Variants in COTL1 observed in about 807,000 individuals in gnomAD.
COTL1 encodes coactosin-like protein.
COTL1 carries 15 observed loss-of-function variants against 16.5 expected under a neutral mutation model. The ratio of observed to expected loss-of-function variants is 0.91; its 90% confidence interval spans 0.61 to 1.40. COTL1 has a LOEUF of 1.40. Ranked by LOEUF, COTL1 falls within the 40% of genes most tolerant of loss-of-function variation. The probability of loss-of-function intolerance (pLI) is 0.00; values close to 1 mark genes in which losing one functional copy is unlikely to be tolerated. For missense variants in COTL1, 220 were observed against 201.5 expected, an observed-to-expected ratio of 1.09 and a Z score of -0.56; for synonymous variants, 112 against 85.3, an observed-to-expected ratio of 1.31 and a Z score of -1.73.
At position 84,565,635 on chromosome 16, in the gene COTL1, G is replaced by C. The variant is rs1904294871; in HGVS notation, c.*1210C>G. On this transcript the variant is annotated 3_prime_UTR_variant, in exon 4 of 4. Transcript: ENST00000262428. ...AAAAAAACATTTATTTCTGTAAACT[G>C]TCTGAGTGCAGAGATGTTCTTTACA... is the stretch of plus-strand genomic sequence containing the variant. The C allele has an allele frequency of 6.6e-6, 1 of 152,198 alleles. No homozygotes were observed. The highest frequency in any genetic ancestry group is 2.4e-5 in the African/African-American group (1 of 41,302). 9.4% of individuals were successfully genotyped at this position (152,198 alleles called of 1,614,324 possible). A position where few individuals can be genotyped will look rare whatever the true frequency, so the allele number is the denominator to read the frequency against.
At chr16:84,597,814 C>G (rs548517103) in intron 2 of COTL1, among the ~76,000 whole-genome samples, 1 of 152,276 alleles carries the variant, frequency 6.6e-6, no homozygotes, top group South Asian at 2.1e-4. Context: ...TTCCTGAGCA[C>G]GCCCATCAAA....
At chr16:84,599,402 G>A (rs1307403364) in intron 2 of COTL1, among the ~76,000 whole-genome samples, 1 of 152,124 alleles carries the variant, frequency 6.6e-6, no homozygotes, top group Non-Finnish European at 1.5e-5. Context: ...AGAATAATGA[G>A]AAACACAAAA....
chr16:84,601,149 T>C (rs1597181669), intron 2 of COTL1, among the ~76,000 whole-genome samples: 1 of 152,186 alleles, frequency 6.6e-6, no homozygotes, highest in African/African-American at 2.4e-5. Flanking sequence ...CACACACTGC[T>C]TTATACTCTT....
intron 2 of COTL1, among the ~76,000 whole-genome samples, chr16:84,596,999 AGGGCCGCATCCTAGCAG>A (rs1326949175): frequency 2.6e-5 from 4 of 152,124 alleles, no homozygotes; most frequent in Non-Finnish European, 5.9e-5. Context: ...CATCCCAGCC[AGGGCCGCATCCTAGCAG>A]GGGCCGCATC....
chr16:84,611,479 T>C (rs1398011363), intron 2 of COTL1, among the ~76,000 whole-genome samples: 4 of 152,210 alleles, frequency 2.6e-5, no homozygotes, highest in East Asian at 1.9e-4. Context: ...TAGAATTACA[T>C]ACAGAAAACT....
At chr16:84,596,460 G>A (rs533837535) in intron 2 of COTL1, 2 of 152,350 alleles carry the variant, frequency 1.3e-5, no homozygotes, top group Admixed American at 1.3e-4. Context: ...TGAAGGGTTG[G>A]CTGATGGGAA....
rs1904990786 is a variant in COTL1, at chr16:84,595,839, AC to A, written c.161-5578del. On this transcript the variant is annotated intron_variant, in intron 2 of 3. Coordinates refer to ENST00000262428, the MANE Select transcript of COTL1 (RefSeq NM_021149.5). ...TGTGTATATACATACATTTGTGAGT[AC>A]AGGTGTATATATGTGTGTATATATA... 7 of 152,216 alleles carry A rather than the reference AC, an allele frequency of 4.6e-5. No individual in the cohort carries two copies. The South Asian group carries it at 1.4e-3, about 32-fold the overall frequency. 9.4% of individuals were successfully genotyped at this position (152,216 alleles called of 1,614,324 possible). A position where few individuals can be genotyped will look rare whatever the true frequency, so the allele number is the denominator to read the frequency against.
At chr16:84,586,540 G>A (rs926104610) in intron 3 of COTL1, among the ~76,000 whole-genome samples, 3 of 152,228 alleles carry the variant, frequency 2.0e-5, no homozygotes, top group Non-Finnish European at 4.4e-5. Context: ...TCTGTTTAAT[G>A]TAGCTGAATT....
chr16:84,574,089 G>A (rs2150680909), intron 3 of COTL1, among the ~76,000 whole-genome samples: 1 of 152,158 alleles, frequency 6.6e-6, no homozygotes, highest in African/African-American at 2.4e-5. Flanking sequence ...GATCACTTGA[G>A]CCTGGGAGGT....
chr16:84,576,125 G>C (rs1904448286), intron 3 of COTL1: 1 of 152,210 alleles, frequency 6.6e-6, no homozygotes, highest in South Asian at 2.1e-4. Context: ...AACCAAGTCA[G>C]TGAAACTGGC....
At chr16:84,588,424 C>T (rs1326028602) in intron 3 of COTL1, among the ~76,000 whole-genome samples, 1 of 152,066 alleles carries the variant, frequency 6.6e-6, no homozygotes, top group African/African-American at 2.4e-5. Context: ...ATTAAACTCC[C>T]GACTTTATTT....
At chr16:84,613,755 G>A (rs1476931525) in intron 2 of COTL1, among the ~76,000 whole-genome samples, 1 of 152,236 alleles carries the variant, frequency 6.6e-6, no homozygotes, top group African/African-American at 2.4e-5. Flanking sequence ...ACACTTTTGT[G>A]AAAGTGGCAT....
intron 2 of COTL1, among the ~76,000 whole-genome samples, chr16:84,598,336 A>G (rs547038895): frequency 6.6e-6 from 1 of 152,248 alleles, no homozygotes; most frequent in East Asian, 1.9e-4. Context: ...ACCCGTGGGG[A>G]CCTAGAAGCC....
At chr16:84,605,789 T>C (rs1004520456) in intron 2 of COTL1, among the ~76,000 whole-genome samples, 2 of 152,262 alleles carry the variant, frequency 1.3e-5, no homozygotes, top group African/African-American at 4.8e-5. Flanking sequence ...TGTCAGACTT[T>C]TGACTTGCAG....
At chr16:84,586,383 C>CA (rs1378916010) in intron 3 of COTL1, among the ~76,000 whole-genome samples, 2 of 152,188 alleles carry the variant, frequency 1.3e-5, no homozygotes, top group Admixed American at 1.3e-4. Context: ...CAATCCCCCT[C>CA]AGTCACCGGC....
intron 2 of COTL1, among the ~76,000 whole-genome samples, chr16:84,597,170 G>A (rs867370374): frequency 2.0e-5 from 3 of 152,190 alleles, no homozygotes; most frequent in Admixed American, 6.5e-5. Flanking sequence ...ACACAGTCAC[G>A]GAGTCACTCC....
intron 3 of COTL1, among the ~76,000 whole-genome samples, chr16:84,582,380 G>A (rs1183564955): frequency 6.6e-6 from 1 of 152,160 alleles, no homozygotes; most frequent in Admixed American, 6.6e-5. Context: ...CTGAGCTCAA[G>A]CAATCCACCT....
rs944713693 is a variant in COTL1, at chr16:84,580,505, C to G, written c.318+9600G>C. ...GGCTCAAGCAATCCTCCCACTTCAG[C>G]TCCCCTAAGGGCTCTTAACCTCTTT... On this transcript the variant is annotated intron_variant, in intron 3 of 3. Transcript: ENST00000262428. Among the ~76,000 whole-genome samples the G allele has an allele frequency of 3.3e-5, 5 of 152,346 alleles. No homozygotes were observed. In the South Asian group the frequency reaches 1.0e-3, roughly 32 times the overall value.
chr16:84,613,995 C>T (rs1382574177), intron 2 of COTL1, among the ~76,000 whole-genome samples: 1 of 152,144 alleles, frequency 6.6e-6, no homozygotes, highest in African/African-American at 2.4e-5. Context: ...ATGGCTCTGC[C>T]CAGGGGCTAA....
Sources: allele counts gnomAD v4.1 joint callset (sites outside exome capture counted in the v4.1 genomes callset), GRCh38; gene constraint gnomAD v4.1.1; transcripts MANE v1.5; gene names NCBI Gene and HGNC (gene_info 2026-07-23, HGNC 2026-07-21).